UBE4B: variants seen among roughly 807,000 people sequenced by gnomAD.
UBE4B encodes the protein ubiquitination factor E4B, also known as ubiquitin conjugation factor E4 B.
A neutral mutation model predicts 148.1 loss-of-function variants in UBE4B; 27 were observed. That is an observed-to-expected ratio of 0.18 (90% CI 0.13 to 0.25). The LOEUF is 0.25. UBE4B is among the 10% of genes least tolerant of loss of function. UBE4B has a pLI of 1.00. For synonymous variants in UBE4B, 596 were observed against 619.3 expected, an observed-to-expected ratio of 0.96 and a Z score of 0.56; for missense variants, 1,170 against 1,662.4, an observed-to-expected ratio of 0.70 and a Z score of 5.15.
At chr1:10,081,562 C>T (rs2101848743) in intron 2 of UBE4B, among the ~76,000 whole-genome samples, 1 of 143,842 alleles carries the variant, frequency 7.0e-6, no homozygotes, top group South Asian at 2.3e-4. Flanking sequence ...GTAGCTGGGA[C>T]TCCTGGCACG....
chr1:10,129,706 A>G (rs1167681752), intron 12 of UBE4B, among the ~76,000 whole-genome samples: 1 of 151,426 alleles, frequency 6.6e-6, no homozygotes, highest in Non-Finnish European at 1.5e-5. Flanking sequence ...GATGGAGTGC[A>G]GTGGTGGGAT....
chr1:10,153,490 T>TAAAAAAAAAAAAA (rs1045427991), intron 21 of UBE4B, among the ~76,000 whole-genome samples: 8 of 49,216 alleles, frequency 1.6e-4, no homozygotes, highest in African/African-American at 6.0e-4. Flanking sequence ...ACCCTGTTTC[T>TAAAAAAAAAAAAA]AAAAAAAAAA....
At chr1:10,052,001 A>G (rs1644056164) in intron 1 of UBE4B, among the ~76,000 whole-genome samples, 2 of 152,100 alleles carry the variant, frequency 1.3e-5, no homozygotes, top group Non-Finnish European at 2.9e-5. Flanking sequence ...AACATGACAC[A>G]TTCAATGCAT....
At chr1:10,081,022 G>A (rs949801179) in intron 2 of UBE4B, among the ~76,000 whole-genome samples, 8 of 151,962 alleles carry the variant, frequency 5.3e-5, no homozygotes, top group African/African-American at 1.7e-4. Context: ...AAATAATAAC[G>A]TTTTATATAT....
chr1:10,068,182 C>A (rs1644421486), intron 1 of UBE4B, among the ~76,000 whole-genome samples: 1 of 151,904 alleles, frequency 6.6e-6, no homozygotes, highest in South Asian at 2.1e-4. Flanking sequence ...GTGCCTACCA[C>A]CACACCTGGC....
intron 1 of UBE4B, among the ~76,000 whole-genome samples, chr1:10,069,557 C>T (rs1054720834): frequency 6.6e-6 from 1 of 152,054 alleles, no homozygotes; most frequent in Non-Finnish European, 1.5e-5. Context: ...TTTTTTGAGA[C>T]GGAGTCTCAC....
intron 1 of UBE4B, among the ~76,000 whole-genome samples, chr1:10,047,469 G>C (rs1312009940): frequency 6.6e-6 from 1 of 151,512 alleles, no homozygotes; most frequent in Non-Finnish European, 1.5e-5. Flanking sequence ...TAAGAGCATG[G>C]CCAGAAAGCT....
chr1:10,178,832 T>G lies in UBE4B; in HGVS notation c.3700+14T>G. ...ATGAGTTCAGAGGCAAGTGGACTCG[T>G]CGTTTTCATGCTGATTTCTTTTGAG... On this transcript the variant is annotated intron_variant, in intron 26 of 27. Coordinates refer to ENST00000343090, the MANE Select transcript of UBE4B (RefSeq NM_001105562.3). 6.4e-7 allele frequency: 1 copy of G among 1,570,962 alleles called. No homozygotes were observed. Among genetic ancestry groups the G allele is most frequent in the Non-Finnish European group, 8.6e-7 (1 of 1,161,494 alleles).
intron 17 of UBE4B, among the ~76,000 whole-genome samples, chr1:10,138,689 T>C (rs1033596662): frequency 6.6e-6 from 1 of 152,224 alleles, no homozygotes; most frequent in African/African-American, 2.4e-5. Flanking sequence ...CAATGTTGAA[T>C]AGAAATAACC....
intron 7 of UBE4B, among the ~76,000 whole-genome samples, chr1:10,113,979 C>T (rs1645263649): frequency 1.3e-5 from 2 of 150,488 alleles, no homozygotes; most frequent in Admixed American, 1.3e-4. Flanking sequence ...GCAGGAGAAT[C>T]GCTTGAACCT....
intron 1 of UBE4B, among the ~76,000 whole-genome samples, chr1:10,063,694 C>T (rs985084082): frequency 1.2e-4 from 18 of 151,824 alleles, no homozygotes; most frequent in Non-Finnish European, 2.9e-5. Flanking sequence ...CACTTGAGGT[C>T]GTCAGGAGTT....
At chr1:10,177,692 G>A (rs1646448060) in intron 25 of UBE4B, among the ~76,000 whole-genome samples, 1 of 151,506 alleles carries the variant, frequency 6.6e-6, no homozygotes, top group Admixed American at 6.6e-5. Context: ...AACATATATG[G>A]CAAAAACACT....
rs142934066 is a variant in UBE4B at position 10,142,427 on chromosome 1, C to A, written c.2364-2513C>A. Among the ~76,000 whole-genome samples the A allele has an allele frequency of 3.0e-3, 455 of 152,260 alleles. 2 individuals carry two copies. Among genetic ancestry groups the A allele is most frequent in the African/African-American group, 0.01 (435 of 41,562 alleles). On this transcript the variant is annotated intron_variant, in intron 17 of 27. Coordinates refer to ENST00000343090, the MANE Select transcript of UBE4B (RefSeq NM_001105562.3). ...GTGGCTCACGCCTGTAATCCCAACACTGGGAGGCCGAGGTGGGCAGATCAC... is the reference window on the plus strand; with the variant it reads ...GTGGCTCACGCCTGTAATCCCAACAATGGGAGGCCGAGGTGGGCAGATCAC...
intron 5 of UBE4B, 26 bp downstream of exon 5, chr1:10,103,118 C>G: frequency 6.4e-7 from 1 of 1,571,238 alleles, no homozygotes. Flanking sequence ...AGCAGTCTTA[C>G]TGCAGAGTAC....
intron 10 of UBE4B, among the ~76,000 whole-genome samples, chr1:10,126,082 C>T (rs1279260077): frequency 6.6e-6 from 1 of 152,100 alleles, no homozygotes; most frequent in African/African-American, 2.4e-5. Flanking sequence ...GGGTGGATCA[C>T]GAGGTCAGGA....
chr1:10,158,015 G>T (rs763813309), intron 21 of UBE4B, among the ~76,000 whole-genome samples: 3 of 152,100 alleles, frequency 2.0e-5, no homozygotes, highest in African/African-American at 7.2e-5. Flanking sequence ...TCCATTTGAG[G>T]TGCCATAGAA....
At chr1:10,129,678 ACT>A (rs1645559978) in intron 12 of UBE4B, among the ~76,000 whole-genome samples, 2 of 151,392 alleles carry the variant, frequency 1.3e-5, no homozygotes, top group African/African-American at 4.9e-5. Flanking sequence ...TAAGAATCTC[ACT>A]CTGTCACCCA....
chr1:10,130,906 C>A, intron 14 of UBE4B, 93 bp downstream of exon 14: 2 of 1,130,346 alleles, frequency 1.8e-6, no homozygotes, highest in Non-Finnish European at 1.3e-6. Context: ...GCCCAGTAGA[C>A]AAACGGCTAA....
chr1:10,130,891 A>C, intron 14 of UBE4B, 78 bp downstream of exon 14: 1 of 1,292,664 alleles, frequency 7.7e-7, no homozygotes, highest in Non-Finnish European at 1.1e-6. Flanking sequence ...TGTAGACTGG[A>C]CTATGCCCAG....
Sources: allele counts gnomAD v4.1 joint callset (sites outside exome capture counted in the v4.1 genomes callset), GRCh38; gene constraint gnomAD v4.1.1; transcripts MANE v1.5; gene names NCBI Gene and HGNC (gene_info 2026-07-23, HGNC 2026-07-21).